The following DNAJC15 variants were observed in gnomAD, a reference collection of about 807,000 sequenced individuals.
DNAJC15 encodes the protein dnaJ homolog subfamily C member 15.
Under a neutral mutation model 22.4 loss-of-function variants are expected in DNAJC15, and 27 were observed. That is an observed-to-expected ratio of 1.20 (90% CI 0.89 to 1.66). The LOEUF is 1.66. Among genes scored for constraint, DNAJC15 ranks in the 40% most tolerant of loss-of-function variants. The pLI, the probability that DNAJC15 is intolerant of heterozygous loss-of-function variation, is 0.00. For synonymous variants in DNAJC15, 79 were observed against 63.2 expected (o/e 1.25, Z -1.19); for missense variants, 208 against 187.1 (o/e 1.11, Z -0.65).
intron 1 of DNAJC15, among the ~76,000 whole-genome samples, chr13:43,049,453 A>G (rs2040493073): frequency 6.6e-6 from 1 of 152,270 alleles, no homozygotes; most frequent in African/African-American, 2.4e-5. Context: ...TTAGTAAACG[A>G]GAAATAGCAT....
Position 43,084,426 on chromosome 13 carries a change from TTTC to T in DNAJC15, c.312-1341_312-1339del, listed in dbSNP as rs1185365166. Among the ~76,000 whole-genome samples, 154 of 152,350 alleles carry T rather than the reference TTTC, an allele frequency of 1.0e-3. 1 individual carries two copies. Among genetic ancestry groups the T allele is most frequent in the African/African-American group, 3.5e-3 (145 of 41,578 alleles). On this transcript the variant is annotated intron_variant, in intron 4 of 5. Coordinates refer to ENST00000379221, the MANE Select transcript of DNAJC15 (RefSeq NM_013238.3). Reference sequence around the variant, plus strand: ...GCAACTGAGTTTAAGCAAGACATACTTTCACAGCTAATAAGTAGTGGAATCAAG... The same window carrying T: ...GCAACTGAGTTTAAGCAAGACATACTACAGCTAATAAGTAGTGGAATCAAG...
At chr13:43,039,513 CAG>C (rs1207648031) in intron 1 of DNAJC15, among the ~76,000 whole-genome samples, 9 of 152,044 alleles carry the variant, frequency 5.9e-5, no homozygotes, top group Non-Finnish European at 1.3e-4. Flanking sequence ...CTAGGAGTCT[CAG>C]GGGGTGGAGA....
At chr13:43,076,129 G>C (rs149620375) in intron 3 of DNAJC15, among the ~76,000 whole-genome samples, 1 of 152,156 alleles carries the variant, frequency 6.6e-6, no homozygotes, top group African/African-American at 2.4e-5. Flanking sequence ...TGTGTCAGGG[G>C]TGGGGGACTA....
chr13:43,077,081 G>GTA (rs1459367274), intron 3 of DNAJC15, among the ~76,000 whole-genome samples: 1 of 152,112 alleles, frequency 6.6e-6, no homozygotes, highest in Non-Finnish European at 1.5e-5. Context: ...AATGCTATCT[G>GTA]TACACTAATG....
chr13:43,079,394 T>A (rs56997630), intron 4 of DNAJC15, among the ~76,000 whole-genome samples: 2 of 152,180 alleles, frequency 1.3e-5, no homozygotes, highest in Non-Finnish European at 2.9e-5. Flanking sequence ...GTAAATTTTT[T>A]AAAATTTAAA....
chr13:43,056,594 A>G (rs1464127918), intron 1 of DNAJC15, among the ~76,000 whole-genome samples: 1 of 152,140 alleles, frequency 6.6e-6, no homozygotes, highest in African/African-American at 2.4e-5. Flanking sequence ...TTCTGTCTTG[A>G]TAACCTGTCT....
chr13:43,080,146 G>T (rs2040655102), intron 4 of DNAJC15, among the ~76,000 whole-genome samples: 1 of 152,068 alleles, frequency 6.6e-6, no homozygotes, highest in Non-Finnish European at 1.5e-5. Context: ...TGTCACAGGG[G>T]TTTGTTGTAT....
At chr13:43,094,651 A>C (rs2040730993) in intron 5 of DNAJC15, among the ~76,000 whole-genome samples, 1 of 152,122 alleles carries the variant, frequency 6.6e-6, no homozygotes, top group Middle Eastern at 3.2e-3. Flanking sequence ...ACCCTGTACA[A>C]GTTCAGAATT....
chr13:43,091,177 C>T (rs530600436), intron 5 of DNAJC15, among the ~76,000 whole-genome samples: 9 of 151,502 alleles, frequency 5.9e-5, no homozygotes, highest in African/African-American at 9.7e-5. Flanking sequence ...CTCCACCTCC[C>T]GAGTTCAAGT....
intron 5 of DNAJC15, among the ~76,000 whole-genome samples, chr13:43,094,752 C>T (rs1283251431): frequency 6.6e-6 from 1 of 152,162 alleles, no homozygotes; most frequent in African/African-American, 2.4e-5. Context: ...TTTGAGTCTA[C>T]AATTTTTGTC....
intron 1 of DNAJC15, among the ~76,000 whole-genome samples, chr13:43,052,236 T>TA (rs965089801): frequency 1.6e-4 from 25 of 152,252 alleles, no homozygotes; most frequent in African/African-American, 6.0e-4. Context: ...GTGCTGGGAT[T>TA]ACAGGTGTGA....
At chr13:43,046,067 A>T (rs1394623831) in intron 1 of DNAJC15, among the ~76,000 whole-genome samples, 1 of 152,104 alleles carries the variant, frequency 6.6e-6, no homozygotes, top group Admixed American at 6.5e-5. Context: ...TAAATTACCT[A>T]ACCTTTTTAT....
chr13:43,059,015 CTG>C (rs1191173370), intron 1 of DNAJC15, among the ~76,000 whole-genome samples: 1 of 152,144 alleles, frequency 6.6e-6, no homozygotes, highest in Non-Finnish European at 1.5e-5. Context: ...TTCAAAGGGT[CTG>C]TGAATTCTTT....
chr13:43,027,504 C>T (rs1489824282), intron 1 of DNAJC15, among the ~76,000 whole-genome samples: 1 of 152,118 alleles, frequency 6.6e-6, no homozygotes, highest in Non-Finnish European at 1.5e-5. Flanking sequence ...AAAACTAAAA[C>T]CTGTCAAACT....
chr13:43,069,388 A>T (rs2040598605), intron 3 of DNAJC15, among the ~76,000 whole-genome samples: 1 of 152,170 alleles, frequency 6.6e-6, no homozygotes, highest in African/African-American at 2.4e-5. Flanking sequence ...TGTCCTGATG[A>T]AGCTTATCCA....
intron 1 of DNAJC15, among the ~76,000 whole-genome samples, chr13:43,058,182 G>C (rs1241090792): frequency 6.6e-6 from 1 of 152,120 alleles, no homozygotes; most frequent in African/African-American, 2.4e-5. Context: ...GTTCTTTTAT[G>C]AGTTGCTATA....
intron 4 of DNAJC15, among the ~76,000 whole-genome samples, chr13:43,079,541 C>A (rs1057323723): frequency 6.6e-6 from 1 of 151,990 alleles, no homozygotes; most frequent in African/African-American, 2.4e-5. Context: ...TCTCTCCTTA[C>A]CAGACAATAG....
At chr13:43,079,330 A>G (rs1307225301) in intron 4 of DNAJC15, among the ~76,000 whole-genome samples, 3 of 152,326 alleles carry the variant, frequency 2.0e-5, no homozygotes, top group Non-Finnish European at 2.9e-5. Flanking sequence ...AATCAACACA[A>G]TTAAGCAAAT....
intron 1 of DNAJC15, among the ~76,000 whole-genome samples, chr13:43,028,609 C>T (rs1195894619): frequency 6.6e-6 from 1 of 152,132 alleles, no homozygotes; most frequent in Admixed American, 6.5e-5. Flanking sequence ...TCTTCATGTA[C>T]TGATCCTTAA....
Sources: gnomAD v4.1 joint callset for allele counts (sites outside exome capture counted in the v4.1 genomes callset) on GRCh38, gnomAD v4.1.1 for gene constraint, MANE v1.5 for transcripts, NCBI Gene and HGNC (gene_info 2026-07-23, HGNC 2026-07-21) for gene names.